Variants in NKAIN2 observed in about 807,000 individuals in gnomAD.
NKAIN2 encodes the protein sodium/potassium transporting ATPase interacting 2.
Under a neutral mutation model 32.6 loss-of-function variants are expected in NKAIN2, and 14 were observed. The observed-to-expected ratio is 0.43, with a 90% CI of 0.28 to 0.67. The LOEUF is 0.67. Ranked by LOEUF, NKAIN2 falls within the 30% of genes least tolerant of loss-of-function variation. NKAIN2 has a pLI of 0.17. For missense variants in NKAIN2, 198 were observed against 258.3 expected, an observed-to-expected ratio of 0.77 and a Z score of 1.60; for synonymous variants, 80 against 87.2, an observed-to-expected ratio of 0.92 and a Z score of 0.46.
chr6:123,942,111 G>A (rs938432697), intron 1 of NKAIN2, among the ~76,000 whole-genome samples: 7 of 151,912 alleles, frequency 4.6e-5, no homozygotes, highest in Non-Finnish European at 8.8e-5. Flanking sequence ...TTGCTGATGA[G>A]TCCTAAGAAC....
chr6:124,336,273 T>C (rs1562496855), intron 2 of NKAIN2, among the ~76,000 whole-genome samples: 1 of 152,184 alleles, frequency 6.6e-6, no homozygotes, highest in Admixed American at 6.5e-5. Flanking sequence ...GCATTACAAT[T>C]GATTAAGCAG....
At chr6:123,944,583 C>T (rs1332296635) in intron 1 of NKAIN2, among the ~76,000 whole-genome samples, 2 of 152,052 alleles carry the variant, frequency 1.3e-5, no homozygotes, top group African/African-American at 2.4e-5. Context: ...TATTCCACAT[C>T]CTGTGTTTAC....
At chr6:124,258,472 A>G (rs1207466915) in intron 1 of NKAIN2, among the ~76,000 whole-genome samples, 2 of 152,214 alleles carry the variant, frequency 1.3e-5, no homozygotes, top group Non-Finnish European at 2.9e-5. Context: ...TTATTTTAGT[A>G]CATCCAGGGA....
At chr6:124,371,484 G>A (rs1313783305) in intron 3 of NKAIN2, among the ~76,000 whole-genome samples, 1 of 151,986 alleles carries the variant, frequency 6.6e-6, no homozygotes, top group Non-Finnish European at 1.5e-5. Flanking sequence ...ATGAGGTCAG[G>A]AGTTCAAGAC....
chr6:124,533,661 A>G (rs2114827155), intron 3 of NKAIN2, among the ~76,000 whole-genome samples: 1 of 152,190 alleles, frequency 6.6e-6, no homozygotes, highest in African/African-American at 2.4e-5. Flanking sequence ...TTATACATGA[A>G]GTACTTAGCC....
At chr6:124,094,324 T>A (rs1784558398) in intron 1 of NKAIN2, among the ~76,000 whole-genome samples, 1 of 152,186 alleles carries the variant, frequency 6.6e-6, no homozygotes, top group Admixed American at 6.5e-5. Context: ...TTATATCTCC[T>A]TGAAACCTCC....
chr6:124,375,491 A>G (rs1404014577), intron 3 of NKAIN2, among the ~76,000 whole-genome samples: 1 of 150,094 alleles, frequency 6.7e-6, no homozygotes, highest in African/African-American at 2.4e-5. Flanking sequence ...CGTCAAAGGA[A>G]TAGCATTTTA....
chr6:124,032,758 G>A (rs1781458832), intron 1 of NKAIN2, among the ~76,000 whole-genome samples: 1 of 151,802 alleles, frequency 6.6e-6, no homozygotes, highest in South Asian at 2.1e-4. Context: ...ATTAAAAATA[G>A]AAAACTCAAA....
intron 1 of NKAIN2, among the ~76,000 whole-genome samples, chr6:123,850,342 G>GAAAA (rs367601380): frequency 3.1e-4 from 40 of 129,058 alleles, no homozygotes; most frequent in African/African-American, 7.3e-4. Context: ...GCAAGCTGCT[G>GAAAA]AAAAAAAAAA....
intron 3 of NKAIN2, among the ~76,000 whole-genome samples, chr6:124,390,180 G>T (rs886599158): frequency 1.3e-5 from 2 of 152,076 alleles, no homozygotes; most frequent in African/African-American, 4.8e-5. Context: ...CAACTCAAAG[G>T]CGGGTGGGTG....
chr6:124,407,451 T>G (rs1210908026), intron 3 of NKAIN2, among the ~76,000 whole-genome samples: 2 of 151,774 alleles, frequency 1.3e-5, no homozygotes, highest in East Asian at 3.9e-4. Context: ...CGGTGTTTGG[T>G]TTTTTGTCCT....
intron 4 of NKAIN2, among the ~76,000 whole-genome samples, chr6:124,662,827 T>C (rs529809768): frequency 2.0e-5 from 3 of 152,338 alleles, no homozygotes; most frequent in Admixed American, 6.5e-5. Flanking sequence ...CCTCTTTTAA[T>C]CTGGAAACAT....
rs113118531 is a variant in NKAIN2, at chr6:124,160,473, A to G, written c.55-122532A>G. Among the ~76,000 whole-genome samples the G allele has an allele frequency of 2.7e-3, 413 of 152,298 alleles. 1 individual carries two copies. The highest frequency in any genetic ancestry group is 9.5e-3 in the African/African-American group (394 of 41,572). ...TGCACCATTATATGCTACATACTGT[A>G]TGTATATATAGATGTATATGAAAAT... On this transcript the variant is annotated intron_variant, in intron 1 of 6. Coordinates refer to ENST00000368417, the MANE Select transcript of NKAIN2 (RefSeq NM_001040214.3).
chr6:124,176,510 T>C (rs1437459747), intron 1 of NKAIN2, among the ~76,000 whole-genome samples: 1 of 152,152 alleles, frequency 6.6e-6, no homozygotes, highest in Non-Finnish European at 1.5e-5. Flanking sequence ...CAGTACGATG[T>C]TGAATGACAG....
chr6:124,668,160 C>T lies in NKAIN2; in HGVS notation c.474+9774C>T, dbSNP rs149364062. On this transcript the variant is annotated intron_variant, in intron 4 of 6. Coordinates refer to ENST00000368417, the MANE Select transcript of NKAIN2 (RefSeq NM_001040214.3). ...ACTTTTTATATACATATGTTTACTACGTGTAATCTTCTAACTTAGTTCATA... is the reference window on the plus strand; with the variant it reads ...ACTTTTTATATACATATGTTTACTATGTGTAATCTTCTAACTTAGTTCATA... Among the ~76,000 whole-genome samples the T allele has an allele frequency of 1.1e-4, 16 of 152,222 alleles. No homozygotes were observed. In the East Asian group the frequency reaches 2.3e-3, roughly 22 times the overall value.
chr6:124,220,733 G>A (rs1405697240), intron 1 of NKAIN2, among the ~76,000 whole-genome samples: 2 of 151,662 alleles, frequency 1.3e-5, no homozygotes, highest in African/African-American at 4.8e-5. Flanking sequence ...TTTGTTAATT[G>A]TCTATCTTTC....
At chr6:124,286,543 A>G (rs1376790763) in intron 2 of NKAIN2, among the ~76,000 whole-genome samples, 1 of 152,120 alleles carries the variant, frequency 6.6e-6, no homozygotes, top group African/African-American at 2.4e-5. Flanking sequence ...AATTTGATAG[A>G]AGAAAAAATG....
At chr6:124,063,193 A>T (rs998664200) in intron 1 of NKAIN2, among the ~76,000 whole-genome samples, 3 of 151,908 alleles carry the variant, frequency 2.0e-5, no homozygotes, top group Non-Finnish European at 4.4e-5. Context: ...TCAAAAAAAA[A>T]ATTATATATA....
chr6:124,596,402 G>A (rs938043390), intron 3 of NKAIN2, among the ~76,000 whole-genome samples: 1 of 152,132 alleles, frequency 6.6e-6, no homozygotes, highest in Non-Finnish European at 1.5e-5. Context: ...CCACAGGGCC[G>A]CCAACTCTAG....
Sources: allele counts gnomAD v4.1 joint callset (sites outside exome capture counted in the v4.1 genomes callset), GRCh38; gene constraint gnomAD v4.1.1; transcripts MANE v1.5; gene names NCBI Gene and HGNC (gene_info 2026-07-23, HGNC 2026-07-21).